PLA2R1: variants seen among roughly 807,000 people sequenced by gnomAD.
PLA2R1 encodes phospholipase A2 receptor 1, also known as secretory phospholipase A2 receptor.
Under a neutral mutation model 195.9 loss-of-function variants are expected in PLA2R1, and 158 were observed. That is an observed-to-expected ratio of 0.81 (90% CI 0.71 to 0.92). The LOEUF is 0.92. Among genes scored for constraint, PLA2R1 ranks in the 40% least tolerant of loss-of-function variants. The probability of loss-of-function intolerance (pLI) is 0.00; values close to 1 mark genes in which losing one functional copy is unlikely to be tolerated. For synonymous variants in PLA2R1, 586 were observed against 598.2 expected (o/e 0.98, Z 0.30); for missense variants, 1,626 against 1,764.6 (o/e 0.92, Z 1.41).
At chr2:160,051,191 A>G (rs1695190613) in intron 1 of PLA2R1, among the ~76,000 whole-genome samples, 1 of 152,248 alleles carries the variant, frequency 6.6e-6, no homozygotes, top group Non-Finnish European at 1.5e-5. Flanking sequence ...CTATACACAT[A>G]AAGTCAGTCT....
intron 11 of PLA2R1, among the ~76,000 whole-genome samples, chr2:159,997,071 CTTT>C (rs1691261899): frequency 6.6e-6 from 1 of 152,064 alleles, no homozygotes; most frequent in Non-Finnish European, 1.5e-5. Context: ...TGTTTCTTGC[CTTT>C]TAGCATGTCT....
chr2:160,052,000 C>T lies in PLA2R1; in HGVS notation c.110-6843G>A, dbSNP rs1468236874. Among the ~76,000 whole-genome samples the T allele has an allele frequency of 2.0e-5, 3 of 152,200 alleles. No homozygotes were observed. In the East Asian group the frequency reaches 5.8e-4, roughly 29 times the overall value. On this transcript the variant is annotated intron_variant, in intron 1 of 29. Coordinates refer to ENST00000283243, the MANE Select transcript of PLA2R1 (RefSeq NM_007366.5). ...AAAACCTCTTTGTCCTGTCTCAGAA[C>T]TTTCTTCTCTTTCCCTGTCCTAGCA...
chr2:159,956,704 A>C, intron 20 of PLA2R1, 77 bp from the exon 21 acceptor site: 1 of 845,562 alleles, frequency 1.2e-6, no homozygotes, highest in Admixed American at 2.0e-5. Flanking sequence ...AAGACACTGA[A>C]TATCAGCTTT....
At chr2:160,016,842 G>T in intron 8 of PLA2R1, 130 bp from the exon 9 acceptor site, 1 of 606,400 alleles carries the variant, frequency 1.6e-6, no homozygotes. Context: ...GCGGCACTCT[G>T]CTTTGTCACG....
At chr2:159,998,251 G>C (rs951501559) in intron 11 of PLA2R1, among the ~76,000 whole-genome samples, 9 of 152,096 alleles carry the variant, frequency 5.9e-5, no homozygotes, top group Non-Finnish European at 8.8e-5. Context: ...TCTGCAATAA[G>C]AAAGTCTAAT....
chr2:159,950,848 A>T (rs1291258014), intron 24 of PLA2R1, among the ~76,000 whole-genome samples: 1 of 152,226 alleles, frequency 6.6e-6, no homozygotes, highest in Admixed American at 6.5e-5. Flanking sequence ...TATTTTATTT[A>T]AAAAAATGAA....
chr2:160,011,422 T>A (rs936005579), intron 10 of PLA2R1, among the ~76,000 whole-genome samples: 6 of 152,206 alleles, frequency 3.9e-5, no homozygotes, highest in African/African-American at 1.4e-4. Context: ...GGATAGCATG[T>A]CAGTGTTTAA....
At chr2:160,032,729 G>T (rs1008837820) in intron 4 of PLA2R1, among the ~76,000 whole-genome samples, 8 of 152,132 alleles carry the variant, frequency 5.3e-5, no homozygotes, top group Admixed American at 6.5e-5. Context: ...CCTTGCTGTG[G>T]CCTCAAATTC....
chr2:159,948,942 CT>C (rs1228466746), intron 25 of PLA2R1, among the ~76,000 whole-genome samples: 3 of 152,126 alleles, frequency 2.0e-5, no homozygotes, highest in Non-Finnish European at 4.4e-5. Context: ...ACTTAGGAAA[CT>C]ATTTAATGCT....
intron 3 of PLA2R1, among the ~76,000 whole-genome samples, chr2:160,037,941 G>A (rs908562980): frequency 6.6e-6 from 1 of 152,194 alleles, no homozygotes; most frequent in African/African-American, 2.4e-5. Flanking sequence ...CAGGCACTAT[G>A]ACTTTCACAT....
chr2:160,022,989 A>G, intron 6 of PLA2R1, 130 bp from the exon 7 acceptor site: 1 of 627,106 alleles, frequency 1.6e-6, no homozygotes, highest in Non-Finnish European at 2.7e-6. Flanking sequence ...AAAATGACAT[A>G]TATCATGGAA....
At chr2:160,005,991 C>T (rs948353793) in intron 10 of PLA2R1, among the ~76,000 whole-genome samples, 170 bp from the exon 11 acceptor site, 1 of 152,070 alleles carries the variant, frequency 6.6e-6, no homozygotes, top group African/African-American at 2.4e-5. Context: ...TAATAAATGC[C>T]GAATGTCAGT....
rs770456765 is a variant in PLA2R1 at position 159,933,348 on chromosome 2, C to T, written c.*8430G>A. 2 of 152,200 alleles carry T rather than the reference C, an allele frequency of 1.3e-5. No homozygotes were observed. Among genetic ancestry groups the T allele is most frequent in the South Asian group, 4.1e-4 (2 of 4,828 alleles). The allele number at this position is 152,200 out of a possible 1,614,324, so 9.4% of individuals were successfully genotyped here. ...AAATCCAGAATTTCAGATTTAGGCA[C>T]ATTTTAAACTTTTTCTCTAAAAATA... On this transcript the variant is annotated 3_prime_UTR_variant, in exon 30 of 30. Transcript: ENST00000283243.
intron 13 of PLA2R1, among the ~76,000 whole-genome samples, chr2:159,983,405 G>A (rs1479831935): frequency 6.6e-6 from 1 of 150,538 alleles, no homozygotes; most frequent in Non-Finnish European, 1.5e-5. Context: ...TTCCTCAAAT[G>A]AAAACTTAGG....
intron 23 of PLA2R1, among the ~76,000 whole-genome samples, chr2:159,952,681 T>A (rs1357395879): frequency 6.6e-6 from 1 of 152,096 alleles, no homozygotes; most frequent in Non-Finnish European, 1.5e-5. Context: ...ATGATGAGGG[T>A]CTCCCTTGGA....
chr2:159,952,470 A>C (rs1311983164), intron 23 of PLA2R1, among the ~76,000 whole-genome samples: 1 of 152,214 alleles, frequency 6.6e-6, no homozygotes, highest in African/African-American at 2.4e-5. Context: ...GGACAAAAAC[A>C]AGGTAAGAGT....
chr2:159,996,095 G>C (rs1282162625), intron 11 of PLA2R1, among the ~76,000 whole-genome samples: 3 of 152,052 alleles, frequency 2.0e-5, no homozygotes, highest in African/African-American at 7.2e-5. Flanking sequence ...AAAAATAGAA[G>C]TTTTTATTTT....
At chr2:159,953,926 C>T (rs1036625490) in intron 23 of PLA2R1, among the ~76,000 whole-genome samples, 23 of 152,136 alleles carry the variant, frequency 1.5e-4, no homozygotes, top group African/African-American at 4.3e-4. Flanking sequence ...CTCCGCCTCC[C>T]GGGTTCAAGC....
chr2:160,040,456 A>G (rs541242393), intron 3 of PLA2R1, among the ~76,000 whole-genome samples: 1 of 152,308 alleles, frequency 6.6e-6, no homozygotes, highest in African/African-American at 2.4e-5. Flanking sequence ...TGTATATTGC[A>G]TAGAATTATC....
Sources: allele counts gnomAD v4.1 joint callset (sites outside exome capture counted in the v4.1 genomes callset), GRCh38; gene constraint gnomAD v4.1.1; transcripts MANE v1.5; gene names NCBI Gene and HGNC (gene_info 2026-07-23, HGNC 2026-07-21).